Variants in COLEC12 observed in about 807,000 individuals in gnomAD.
COLEC12 encodes collectin-12.
Under a neutral mutation model 71.1 loss-of-function variants are expected in COLEC12, and 33 were observed. The ratio of observed to expected loss-of-function variants is 0.46; its 90% CI spans 0.35 to 0.62. COLEC12 has a LOEUF of 0.62. COLEC12 is among the 20% of genes least tolerant of loss of function. The pLI is 0.00. For missense variants in COLEC12, 765 were observed against 916.1 expected (o/e 0.84, Z 2.13); for synonymous variants, 350 against 353.0 (o/e 0.99, Z 0.10).
At chr18:486,996 G>C (rs1917531406) in intron 1 of COLEC12, among the ~76,000 whole-genome samples, 1 of 152,168 alleles carries the variant, frequency 6.6e-6, no homozygotes, top group Non-Finnish European at 1.5e-5. Flanking sequence ...AAAAACATAT[G>C]TCCATACAAA....
intron 2 of COLEC12, among the ~76,000 whole-genome samples, chr18:469,908 T>A (rs1917160056): frequency 6.6e-6 from 1 of 152,176 alleles, no homozygotes; most frequent in South Asian, 2.1e-4. Context: ...TCCAAGAAAT[T>A]GAAACAAGAT....
In COLEC12 at chr18:347,017, A is replaced by C; in HGVS notation, c.605T>G (p.Val202Gly). ...GTTCAGGTTGTTGAGGTTCATGATG[A>C]CCACATTATGAGAATACATTTGGTT... The part of the protein sequence containing the change: ...LQNQMYSHNV[V>G]IMNLNNLNLT... The change falls in exon 5 of 10, where the codon GTC becomes GGC. Residue 202 changes from valine to glycine, a missense_variant. Coordinates refer to ENST00000400256, the MANE Select transcript of COLEC12 (RefSeq NM_130386.3). The C allele has an allele frequency of 1.9e-6, 3 of 1,614,100 alleles. No homozygotes were observed. The highest frequency in any genetic ancestry group is 2.5e-6 in the Non-Finnish European group (3 of 1,179,978).
chr18:471,370 T>C (rs969461203), intron 2 of COLEC12, among the ~76,000 whole-genome samples: 1 of 151,750 alleles, frequency 6.6e-6, no homozygotes, highest in African/African-American at 2.4e-5. Flanking sequence ...CCAAATTTTT[T>C]TTCTTCAAAA....
chr18:330,257 C>G (rs887702768), intron 8 of COLEC12, among the ~76,000 whole-genome samples: 2 of 152,190 alleles, frequency 1.3e-5, no homozygotes, highest in Admixed American at 6.5e-5. Flanking sequence ...TCACCTCTGA[C>G]CCTCCTCCCT....
Position 386,108 on chromosome 18 carries a change from A to T in COLEC12, c.59-28586T>A, listed in dbSNP as rs58724858. On this transcript the variant is annotated intron_variant, in intron 2 of 9. Transcript: ENST00000400256. ...TCAGGGTACCTTTTGTGGGTGGGGG[A>T]GAAGGCTAGGCTTCAGTTTGACCCT... 9.1e-3 allele frequency among the ~76,000 whole-genome samples: 1,384 copies of T among 151,914 alleles called. 20 individuals are homozygous for T. The highest frequency in any genetic ancestry group is 0.031 in the African/African-American group (1,290 of 41,456).
chr18:442,242 C>T (rs1230532129), intron 2 of COLEC12, among the ~76,000 whole-genome samples: 1 of 152,168 alleles, frequency 6.6e-6, no homozygotes, highest in Admixed American at 6.5e-5. Context: ...TCCATCTCCA[C>T]AATATTTCCT....
At chr18:390,109 A>G (rs375272658) in intron 2 of COLEC12, among the ~76,000 whole-genome samples, 6 of 152,344 alleles carry the variant, frequency 3.9e-5, no homozygotes, top group East Asian at 3.9e-4. Context: ...TCACAGTGCC[A>G]TCTCAACCGA....
chr18:321,849 G>A (rs1047146601), intron 8 of COLEC12, 42 bp from the exon 9 acceptor site: 2 of 1,577,624 alleles, frequency 1.3e-6, no homozygotes, highest in South Asian at 2.3e-5. Context: ...GCACAGTAAT[G>A]CAGAGCTTTT....
At chr18:367,162 T>C (rs1263148584) in intron 2 of COLEC12, among the ~76,000 whole-genome samples, 1 of 152,162 alleles carries the variant, frequency 6.6e-6, no homozygotes, top group Non-Finnish European at 1.5e-5. Flanking sequence ...GTGTGGCTGC[T>C]TTACAAAGTG....
chr18:472,131 A>T (rs1380887750), intron 2 of COLEC12, among the ~76,000 whole-genome samples: 1 of 152,218 alleles, frequency 6.6e-6, no homozygotes, highest in Non-Finnish European at 1.5e-5. Context: ...CAGACAATAC[A>T]GTTATCCCTG....
chr18:423,697 G>A (rs1328801473), intron 2 of COLEC12: 2 of 152,106 alleles, frequency 1.3e-5, no homozygotes, highest in East Asian at 1.9e-4. Flanking sequence ...GACCACACAC[G>A]CCCAGGGCTG....
intron 2 of COLEC12, among the ~76,000 whole-genome samples, chr18:409,168 T>G (rs946546272): frequency 3.3e-5 from 5 of 152,164 alleles, no homozygotes; most frequent in Non-Finnish European, 7.4e-5. Flanking sequence ...TTATTCCTCT[T>G]AAACAGAACC....
At chr18:325,829 A>C (rs2143414537) in intron 8 of COLEC12, among the ~76,000 whole-genome samples, 1 of 151,990 alleles carries the variant, frequency 6.6e-6, no homozygotes, top group South Asian at 2.1e-4. Flanking sequence ...ACACCCAGCT[A>C]ATTTTTAAGT....
intron 1 of COLEC12, among the ~76,000 whole-genome samples, chr18:493,796 A>C (rs187446499): frequency 2.0e-5 from 3 of 152,252 alleles, no homozygotes; most frequent in African/African-American, 7.2e-5. Flanking sequence ...CTACTGATGA[A>C]ATAGACATGA....
intron 2 of COLEC12, among the ~76,000 whole-genome samples, chr18:474,133 T>C (rs1917257698): frequency 6.6e-6 from 1 of 152,184 alleles, no homozygotes; most frequent in Non-Finnish European, 1.5e-5. Flanking sequence ...GATGCTGGAG[T>C]ATGGCCGTGT....
chr18:332,884 G>T, intron 7 of COLEC12, 123 bp downstream of exon 7: 2 of 820,812 alleles, frequency 2.4e-6, no homozygotes, highest in Non-Finnish European at 1.9e-6. Context: ...CTGTAATGTT[G>T]CCTCCCATGT....
At chr18:464,699 G>A (rs1342253223) in intron 2 of COLEC12, among the ~76,000 whole-genome samples, 1 of 152,290 alleles carries the variant, frequency 6.6e-6, no homozygotes, top group East Asian at 1.9e-4. Flanking sequence ...ATCAATACTG[G>A]TGCTATGTCT....
At chr18:440,738 C>T (rs1300062282) in intron 2 of COLEC12, among the ~76,000 whole-genome samples, 1 of 152,156 alleles carries the variant, frequency 6.6e-6, no homozygotes, top group Non-Finnish European at 1.5e-5. Context: ...TAATACCTTA[C>T]ATTTGTATAG....
At position 426,692 on chromosome 18, in the gene COLEC12, AAAT is replaced by A. The variant is rs1567904678; in HGVS notation, c.58+54012_58+54014del. ...GTATGAGTCATGATTTTATCTTTAAAAATAATAACTCTTTAATAACACCTAACA... is the reference window on the plus strand; with the variant it reads ...GTATGAGTCATGATTTTATCTTTAAAAATAACTCTTTAATAACACCTAACA... On this transcript the variant is annotated intron_variant, in intron 2 of 9. Coordinates refer to ENST00000400256, the MANE Select transcript of COLEC12 (RefSeq NM_130386.3). 3.9e-5 allele frequency among the ~76,000 whole-genome samples: 6 copies of A among 152,318 alleles called. No homozygotes were observed. The South Asian group carries it at 1.0e-3, about 26-fold the overall frequency.
Sources: allele counts gnomAD v4.1 joint callset (sites outside exome capture counted in the v4.1 genomes callset), GRCh38; gene constraint gnomAD v4.1.1; transcripts MANE v1.5; gene names NCBI Gene and HGNC (gene_info 2026-07-23, HGNC 2026-07-21).